The following FHOD3 variants were observed in gnomAD, a reference collection of about 807,000 sequenced individuals.
The protein encoded by FHOD3 is formin homology 2 domain containing 3, also known as FH1/FH2 domain-containing protein 3.
A neutral mutation model predicts 173.0 loss-of-function variants in FHOD3; 90 were observed. The observed-to-expected ratio is 0.52, with a 90% CI of 0.44 to 0.62. FHOD3 has a LOEUF of 0.62. FHOD3 is among the 20% of genes least tolerant of loss of function. FHOD3 has a pLI of 0.00. For missense variants in FHOD3, 1,945 were observed against 2,034.7 expected (o/e 0.96, Z 0.85); for synonymous variants, 828 against 823.0 (o/e 1.01, Z -0.10).
chr18:36,322,773 G>A (rs923746753), intron 1 of FHOD3, among the ~76,000 whole-genome samples: 3 of 152,170 alleles, frequency 2.0e-5, no homozygotes, highest in Non-Finnish European at 4.4e-5. Context: ...CTTTGTGCTT[G>A]CTGGCTTTGT....
chr18:36,605,707 T>C (rs1421747084), intron 8 of FHOD3, among the ~76,000 whole-genome samples: 1 of 152,212 alleles, frequency 6.6e-6, no homozygotes, highest in African/African-American at 2.4e-5. Flanking sequence ...GTTTGTTTTG[T>C]TTTGTTGTAT....
At chr18:36,546,573 C>T (rs1007945581) in intron 5 of FHOD3, among the ~76,000 whole-genome samples, 17 of 152,150 alleles carry the variant, frequency 1.1e-4, no homozygotes, top group Non-Finnish European at 4.4e-5. Flanking sequence ...CCCCTTGTTC[C>T]GTATCCAGCA....
intron 3 of FHOD3, among the ~76,000 whole-genome samples, chr18:36,373,707 T>TA (rs914966685): frequency 3.9e-5 from 6 of 152,372 alleles, no homozygotes; most frequent in African/African-American, 1.2e-4. Flanking sequence ...GGAGGATTGG[T>TA]AATCTTGTTG....
chr18:36,430,310 G>A (rs1052652228), intron 3 of FHOD3, among the ~76,000 whole-genome samples: 2 of 152,122 alleles, frequency 1.3e-5, no homozygotes, highest in East Asian at 1.9e-4. Flanking sequence ...TCCGCCTCCC[G>A]AGTTCAAGCG....
intron 3 of FHOD3, among the ~76,000 whole-genome samples, chr18:36,429,533 C>T (rs1403367018): frequency 2.6e-5 from 4 of 152,040 alleles, no homozygotes; most frequent in Non-Finnish European, 4.4e-5. Context: ...TTGCCACATG[C>T]GAACTTCATT....
chr18:36,419,204 C>T (rs1466289752), intron 3 of FHOD3, among the ~76,000 whole-genome samples: 3 of 151,582 alleles, frequency 2.0e-5, no homozygotes, highest in South Asian at 2.1e-4. Context: ...TATAATTTGC[C>T]GTCTTCTCCT....
intron 6 of FHOD3, among the ~76,000 whole-genome samples, chr18:36,577,675 A>G (rs894439624): frequency 6.6e-6 from 1 of 152,128 alleles, no homozygotes; most frequent in Non-Finnish European, 1.5e-5. Context: ...TATAATTCCC[A>G]TTTGGTAGTT....
At chr18:36,299,334 G>T (rs549753391) in intron 1 of FHOD3, among the ~76,000 whole-genome samples, 39 of 152,344 alleles carry the variant, frequency 2.6e-4, no homozygotes, top group African/African-American at 9.1e-4. Flanking sequence ...TCATCATCCA[G>T]AGTGATGTAT....
intron 5 of FHOD3, among the ~76,000 whole-genome samples, chr18:36,527,048 A>G (rs2056552821): frequency 2.0e-5 from 3 of 152,176 alleles, no homozygotes; most frequent in African/African-American, 7.2e-5. Flanking sequence ...CTTCTTGGAC[A>G]AGCAGATATT....
At chr18:36,368,462 G>T (rs545330109) in intron 2 of FHOD3, among the ~76,000 whole-genome samples, 24 of 152,286 alleles carry the variant, frequency 1.6e-4, no homozygotes, top group African/African-American at 4.3e-4. Flanking sequence ...GGGCAGCTCT[G>T]TGGAGATGTT....
chr18:36,496,279 A>G (rs1016046456), intron 3 of FHOD3, among the ~76,000 whole-genome samples: 3 of 152,156 alleles, frequency 2.0e-5, no homozygotes, highest in Non-Finnish European at 2.9e-5. Context: ...AACCACATCA[A>G]AGGGCTGTCA....
At chr18:36,585,203 G>C (rs752694220) in intron 6 of FHOD3, among the ~76,000 whole-genome samples, 1 of 152,202 alleles carries the variant, frequency 6.6e-6, no homozygotes, top group Non-Finnish European at 1.5e-5. Flanking sequence ...TATGTTTAGT[G>C]AATGAGGTTG....
chr18:36,756,478 T>A (rs1422725265), intron 25 of FHOD3, among the ~76,000 whole-genome samples: 2 of 152,170 alleles, frequency 1.3e-5, no homozygotes, highest in Non-Finnish European at 2.9e-5. Flanking sequence ...ACATTTCAAC[T>A]GAACCCTAGT....
intron 5 of FHOD3, among the ~76,000 whole-genome samples, chr18:36,545,689 C>G (rs753973597): frequency 6.6e-6 from 1 of 152,102 alleles, no homozygotes; most frequent in South Asian, 2.1e-4. Context: ...AACACTGTTG[C>G]GAGAAGCTCA....
chr18:36,390,722 C>T (rs1293248851), intron 3 of FHOD3, among the ~76,000 whole-genome samples: 1 of 152,182 alleles, frequency 6.6e-6, no homozygotes, highest in Non-Finnish European at 1.5e-5. Context: ...AGAAAACTTC[C>T]TACCTGAGTG....
At chr18:36,437,665 CTTT>C (rs1555704498) in intron 3 of FHOD3, among the ~76,000 whole-genome samples, 4 of 69,432 alleles carry the variant, frequency 5.8e-5, no homozygotes, top group Admixed American at 2.9e-4. Context: ...TTCTTTCTTT[CTTT>C]TTTTTTTTTT....
chr18:36,602,700 G>A lies in FHOD3; in HGVS notation c.745G>A (p.Glu249Lys). The change falls in exon 8 of 29, where the codon GAA becomes AAA. Residue 249 changes from glutamate to lysine, a missense_variant. Transcript: ENST00000590592. ...GGTCAAACCTTGGTCAAATATCATG[G>A]AAATCCTGGAGGAAAAAGATGGAGT... Reference protein sequence around the residue: ...RGVKPWSNIMEILEEKDGVDT... With the variant: ...RGVKPWSNIMKILEEKDGVDT... 1 of 1,614,158 alleles carries A rather than the reference G, an allele frequency of 6.2e-7. No individual in the cohort carries two copies. The highest frequency in any genetic ancestry group is 8.5e-7 in the Non-Finnish European group (1 of 1,180,008).
intron 11 of FHOD3, 149 bp from the exon 12 acceptor site, chr18:36,652,421 T>C: frequency 9.7e-7 from 1 of 1,030,686 alleles, no homozygotes; most frequent in Non-Finnish European, 1.4e-6. Context: ...CAGGCTTTTA[T>C]GCTTCAGTTC....
intron 16 of FHOD3, among the ~76,000 whole-genome samples, chr18:36,688,771 C>T (rs1422723846): frequency 1.3e-5 from 2 of 152,216 alleles, no homozygotes; most frequent in East Asian, 3.8e-4. Context: ...GGTTTAAGTG[C>T]TGTGTCAAGA....
Sources: gnomAD v4.1 joint callset for allele counts (sites outside exome capture counted in the v4.1 genomes callset) on GRCh38, gnomAD v4.1.1 for gene constraint, MANE v1.5 for transcripts, NCBI Gene and HGNC (gene_info 2026-07-23, HGNC 2026-07-21) for gene names.